Variants in PDZRN4 observed in about 807,000 individuals in gnomAD.
PDZRN4 encodes PDZ domain-containing RING finger protein 4.
In PDZRN4, 70 loss-of-function variants were observed where a neutral mutation model predicts 99.0. That is an observed-to-expected ratio of 0.71 (90% CI 0.58 to 0.86). The LOEUF (loss-of-function observed/expected upper bound fraction) is 0.86. Ranked by LOEUF, PDZRN4 falls within the 40% of genes least tolerant of loss-of-function variation. The pLI is 0.00. For synonymous variants in PDZRN4, 551 were observed against 501.6 expected (o/e 1.10, Z -1.32); for missense variants, 1,474 against 1,331.2 (o/e 1.11, Z -1.67).
intron 3 of PDZRN4, among the ~76,000 whole-genome samples, chr12:41,249,866 T>C (rs1287187362): frequency 6.6e-6 from 1 of 152,244 alleles, no homozygotes; most frequent in Non-Finnish European, 1.5e-5. Context: ...ATTTGGCAAC[T>C]GAAGCCTTTC....
chr12:41,282,398 C>T (rs1195534415), intron 3 of PDZRN4, among the ~76,000 whole-genome samples: 1 of 152,144 alleles, frequency 6.6e-6, no homozygotes, highest in Non-Finnish European at 1.5e-5. Flanking sequence ...TACAAAGAGA[C>T]TTAGACTACC....
At chr12:41,509,735 G>A in intron 4 of PDZRN4, 76 bp from the exon 5 acceptor site, 1 of 701,006 alleles carries the variant, frequency 1.4e-6, no homozygotes, top group South Asian at 1.9e-5. Context: ...AAACTAAAGT[G>A]AAATTCTAAA....
chr12:41,337,256 A>T (rs1350712434), intron 3 of PDZRN4, among the ~76,000 whole-genome samples: 4 of 152,042 alleles, frequency 2.6e-5, no homozygotes, highest in African/African-American at 9.7e-5. Context: ...ATTGTGCAAA[A>T]GTGGTTTCAA....
chr12:41,534,420 T>C (rs1046196809), intron 5 of PDZRN4, among the ~76,000 whole-genome samples: 1 of 152,160 alleles, frequency 6.6e-6, no homozygotes, highest in African/African-American at 2.4e-5. Context: ...GGATTAGCTA[T>C]TTTTCCTGAT....
intron 3 of PDZRN4, among the ~76,000 whole-genome samples, chr12:41,305,620 C>T (rs1377158929): frequency 3.3e-5 from 5 of 152,046 alleles, no homozygotes; most frequent in Non-Finnish European, 5.9e-5. Flanking sequence ...ACCATGGTCA[C>T]TCCATCCACA....
intron 3 of PDZRN4, among the ~76,000 whole-genome samples, chr12:41,380,305 G>C (rs532738016): frequency 6.6e-6 from 1 of 152,090 alleles, no homozygotes; most frequent in African/African-American, 2.4e-5. Flanking sequence ...TAGCCACTCT[G>C]TCTTTTGATT....
intron 3 of PDZRN4, among the ~76,000 whole-genome samples, chr12:41,333,048 A>G (rs962990971): frequency 4.6e-5 from 7 of 152,166 alleles, no homozygotes; most frequent in African/African-American, 1.7e-4. Context: ...CTAGTGAGTG[A>G]TGGAGCTAGG....
intron 5 of PDZRN4, among the ~76,000 whole-genome samples, chr12:41,537,132 G>A (rs1938762086): frequency 6.6e-6 from 1 of 152,090 alleles, no homozygotes; most frequent in Non-Finnish European, 1.5e-5. Flanking sequence ...CCTTAAGCTG[G>A]GATTGTCCCT....
chr12:41,402,163 T>C (rs1280974138), intron 3 of PDZRN4, among the ~76,000 whole-genome samples: 1 of 116,756 alleles, frequency 8.6e-6, no homozygotes, highest in Non-Finnish European at 1.8e-5. Flanking sequence ...TATATATATA[T>C]ATATACACAC....
Position 41,434,552 on chromosome 12 carries a change from C to G in PDZRN4, c.844-71904C>G, listed in dbSNP as rs74078840. On this transcript the variant is annotated intron_variant, in intron 3 of 9. Transcript: ENST00000402685. ...TCTACTCTTTTGCTACTCAGTAGTA[C>G]AGTTTATATGGAAAAAGCAAGAAAA... Among the ~76,000 whole-genome samples the G allele has an allele frequency of 3.9e-3, 595 of 152,230 alleles. 2 individuals are homozygous for G. Among genetic ancestry groups the G allele is most frequent in the African/African-American group, 0.014 (577 of 41,534 alleles).
In PDZRN4 at chr12:41,571,477, C is replaced by T. The variant is rs535549060; in HGVS notation, c.1585-887C>T. Reference sequence around the variant, plus strand: ...GTGTCAAAATTTTTTTGATATTATGCCCATGTCTGGCAATCAGTGCTGTTC... The same window carrying T: ...GTGTCAAAATTTTTTTGATATTATGTCCATGTCTGGCAATCAGTGCTGTTC... On this transcript the variant is annotated intron_variant, in intron 9 of 9. Coordinates refer to ENST00000402685, the MANE Select transcript of PDZRN4 (RefSeq NM_001164595.2). Among the ~76,000 whole-genome samples the T allele has an allele frequency of 1.3e-4, 19 of 151,200 alleles. No individual in the cohort carries two copies. The South Asian group carries it at 2.3e-3, about 18-fold the overall frequency.
chr12:41,212,637 G>C (rs1305135125), intron 3 of PDZRN4, among the ~76,000 whole-genome samples: 2 of 152,004 alleles, frequency 1.3e-5, no homozygotes, highest in Non-Finnish European at 1.5e-5. Context: ...TAAGACACTG[G>C]AATTATGGTA....
intron 3 of PDZRN4, among the ~76,000 whole-genome samples, chr12:41,449,828 ATACTT>A (rs1467910738): frequency 1.3e-5 from 2 of 152,182 alleles, no homozygotes; most frequent in African/African-American, 2.4e-5. Flanking sequence ...TTGTGTAAAA[ATACTT>A]TAATATGTTT....
intron 3 of PDZRN4, among the ~76,000 whole-genome samples, chr12:41,484,302 G>T (rs934493517): frequency 6.6e-6 from 1 of 152,170 alleles, no homozygotes. Flanking sequence ...TCTCAAAATT[G>T]CAGGATTGAA....
At chr12:41,495,906 A>G (rs928362350) in intron 3 of PDZRN4, among the ~76,000 whole-genome samples, 5 of 152,056 alleles carry the variant, frequency 3.3e-5, no homozygotes, top group Non-Finnish European at 7.4e-5. Context: ...CAAACGTCAA[A>G]GTCCTGGAGT....
intron 3 of PDZRN4, among the ~76,000 whole-genome samples, chr12:41,293,091 G>A (rs1951466493): frequency 6.6e-6 from 1 of 150,416 alleles, no homozygotes; most frequent in African/African-American, 2.4e-5. Context: ...CTGGAGAACA[G>A]GTCACTCAGG....
chr12:41,568,616 C>T (rs1939419926), intron 9 of PDZRN4, among the ~76,000 whole-genome samples: 1 of 152,078 alleles, frequency 6.6e-6, no homozygotes, highest in African/African-American at 2.4e-5. Flanking sequence ...TTAATGGATT[C>T]ATAACTAGTA....
intron 3 of PDZRN4, among the ~76,000 whole-genome samples, chr12:41,317,218 A>T (rs907665964): frequency 6.6e-6 from 1 of 151,616 alleles, no homozygotes; most frequent in African/African-American, 2.4e-5. Flanking sequence ...ATAAAAAATT[A>T]TTTTAAGGAA....
chr12:41,407,939 T>C (rs559746683), intron 3 of PDZRN4, among the ~76,000 whole-genome samples: 7 of 152,346 alleles, frequency 4.6e-5, no homozygotes, highest in Admixed American at 1.3e-4. Flanking sequence ...CTGGATGTTA[T>C]GTACAGAATA....
Sources: allele counts gnomAD v4.1 joint callset (sites outside exome capture counted in the v4.1 genomes callset), GRCh38; gene constraint gnomAD v4.1.1; transcripts MANE v1.5; gene names NCBI Gene and HGNC (gene_info 2026-07-23, HGNC 2026-07-21).